NRG1: variants seen among roughly 807,000 people sequenced by gnomAD.
The protein encoded by NRG1 is pro-neuregulin-1, membrane-bound isoform.
NRG1 carries 18 observed loss-of-function variants against 63.8 expected under a neutral mutation model. The observed-to-expected ratio is 0.28, with a 90% confidence interval of 0.19 to 0.42. The LOEUF is 0.42. Among genes scored for constraint, NRG1 ranks in the 10% least tolerant of loss-of-function variants. The probability of loss-of-function intolerance (pLI) is 1.00; values close to 1 mark genes in which losing one functional copy is unlikely to be tolerated. For missense variants in NRG1, 762 were observed against 814.7 expected (o/e 0.94, Z 0.79); for synonymous variants, 302 against 301.3 (o/e 1.00, Z -0.02).
intron 1 of NRG1, among the ~76,000 whole-genome samples, chr8:31,679,621 G>A (rs1183995385): frequency 3.3e-5 from 5 of 152,036 alleles, no homozygotes; most frequent in African/African-American, 7.2e-5. Flanking sequence ...AACATTGAAA[G>A]TATTCTTTTT....
At chr8:32,262,380 C>T (rs1170739005) in intron 1 of NRG1, among the ~76,000 whole-genome samples, 1 of 151,910 alleles carries the variant, frequency 6.6e-6, no homozygotes, top group Admixed American at 6.6e-5. Flanking sequence ...AATCAGGAGA[C>T]CCCCCCAAAA....
chr8:32,165,449 C>T (rs1839299146), intron 1 of NRG1, among the ~76,000 whole-genome samples: 1 of 152,000 alleles, frequency 6.6e-6, no homozygotes, highest in Non-Finnish European at 1.5e-5. Flanking sequence ...TGTCCTGGCC[C>T]TTATTATTGA....
intron 1 of NRG1, among the ~76,000 whole-genome samples, chr8:32,410,182 T>G (rs1354288872): frequency 7.2e-6 from 1 of 139,830 alleles, no homozygotes; most frequent in East Asian, 2.0e-4. Context: ...TTTCCTTTTT[T>G]TTTTTTTTTT....
rs530971838 is a variant in NRG1 at position 31,754,857 on chromosome 8, A to G, written c.37+115426A>G. Among the ~76,000 whole-genome samples, 4 of 152,210 alleles carry G rather than the reference A, an allele frequency of 2.6e-5. No individual in the cohort carries two copies. The South Asian group carries it at 8.3e-4, about 32-fold the overall frequency. On this transcript the variant is annotated intron_variant, in intron 1 of 10. Coordinates refer to the NRG1 transcript ENST00000519301. ...AATTTTATTGCAAAACTTCCTAGTA[A>G]TGATTCTAATTATCTTTATTGAATG...
chr8:32,025,985 T>C (rs1020260709), intron 1 of NRG1, among the ~76,000 whole-genome samples: 3 of 151,096 alleles, frequency 2.0e-5, no homozygotes, highest in Admixed American at 6.6e-5. Context: ...GCCACAGGTC[T>C]CAGGTCCTCT....
At chr8:32,256,977 C>T (rs185957506) in intron 1 of NRG1, among the ~76,000 whole-genome samples, 1 of 152,276 alleles carries the variant, frequency 6.6e-6, no homozygotes, top group African/African-American at 2.4e-5. Flanking sequence ...TTCAGAGATG[C>T]CCTGCCCAGA....
intron 11 of NRG1, chr8:32,763,220 A>G (rs1226944473): frequency 6.2e-7 from 1 of 1,613,878 alleles, no homozygotes. Context: ...TTCATAAGAC[A>G]TAACCTTATA....
intron 2 of NRG1, among the ~76,000 whole-genome samples, chr8:32,601,208 G>T (rs1410133813): frequency 6.6e-6 from 1 of 152,044 alleles, no homozygotes; most frequent in African/African-American, 2.4e-5. Context: ...CTATTGAATT[G>T]CAAAAAGGAT....
At chr8:32,161,271 A>G (rs1374065918) in intron 1 of NRG1, among the ~76,000 whole-genome samples, 1 of 152,208 alleles carries the variant, frequency 6.6e-6, no homozygotes, top group Non-Finnish European at 1.5e-5. Context: ...TTCCGAATGA[A>G]TAAACAATGA....
At chr8:32,181,882 G>A (rs367766869) in intron 1 of NRG1, among the ~76,000 whole-genome samples, 2 of 152,054 alleles carry the variant, frequency 1.3e-5, no homozygotes, top group East Asian at 3.8e-4. Context: ...TACAAGGCAA[G>A]TATTCTGAAT....
chr8:31,695,243 C>T (rs1277696564), intron 1 of NRG1, among the ~76,000 whole-genome samples: 3 of 152,268 alleles, frequency 2.0e-5, no homozygotes, highest in South Asian at 2.1e-4. Flanking sequence ...GATTTTGGCT[C>T]GCTGCACCCT....
At chr8:32,005,860 A>G (rs904605532) in intron 1 of NRG1, among the ~76,000 whole-genome samples, 1 of 152,026 alleles carries the variant, frequency 6.6e-6, no homozygotes, top group Non-Finnish European at 1.5e-5. Context: ...TGAACTTTCA[A>G]TACAATAGAG....
At chr8:31,870,737 T>G (rs1409375021) in intron 1 of NRG1, among the ~76,000 whole-genome samples, 4 of 152,148 alleles carry the variant, frequency 2.6e-5, no homozygotes, top group Admixed American at 6.5e-5. Flanking sequence ...TTTTTTGATT[T>G]ATTTATTTAT....
intron 1 of NRG1, among the ~76,000 whole-genome samples, chr8:31,879,719 C>T (rs1830201402): frequency 6.6e-6 from 1 of 152,126 alleles, no homozygotes; most frequent in South Asian, 2.1e-4. Context: ...TACCCTCCAC[C>T]CTCAAGTAGA....
intron 1 of NRG1, among the ~76,000 whole-genome samples, chr8:32,566,575 C>T (rs185725167): frequency 8.5e-5 from 13 of 152,162 alleles, no homozygotes; most frequent in Middle Eastern, 3.4e-3. Flanking sequence ...AGGTATTTTG[C>T]GTCTATCTCT....
At chr8:32,405,550 G>A (rs1273648280) in intron 1 of NRG1, among the ~76,000 whole-genome samples, 3 of 152,114 alleles carry the variant, frequency 2.0e-5, no homozygotes, top group African/African-American at 4.8e-5. Context: ...GATTTTGTCT[G>A]ATCTTTCTCT....
rs1563690103 is a variant in NRG1 at position 32,022,950 on chromosome 8, G to C, written c.37+383519G>C. ...CACGGGAGCACAGATTTCAAAATTT[G>C]TTTCAGCACAACCTTTTGGATTATC... On this transcript the variant is annotated intron_variant, in intron 1 of 10. Transcript: ENST00000519301. Among the ~76,000 whole-genome samples the C allele has an allele frequency of 3.3e-5, 5 of 152,268 alleles. No homozygotes were observed. The South Asian group carries it at 1.0e-3, about 32-fold the overall frequency.
intron 1 of NRG1, among the ~76,000 whole-genome samples, chr8:32,003,318 A>C (rs1036422368): frequency 1.3e-5 from 2 of 152,124 alleles, no homozygotes; most frequent in Non-Finnish European, 2.9e-5. Flanking sequence ...CCTGAACAGC[A>C]CTATCAATCA....
chr8:32,119,591 T>A (rs1438648465), intron 1 of NRG1, among the ~76,000 whole-genome samples: 1 of 152,124 alleles, frequency 6.6e-6, no homozygotes, highest in Admixed American at 6.5e-5. Flanking sequence ...TAAGGTCTAG[T>A]AAATGCAATG....
Sources: allele counts gnomAD v4.1 joint callset (sites outside exome capture counted in the v4.1 genomes callset), GRCh38; gene constraint gnomAD v4.1.1; transcripts MANE v1.5; gene names NCBI Gene and HGNC (gene_info 2026-07-23, HGNC 2026-07-21).